Variants in GATAD2A observed in about 807,000 individuals in gnomAD.
GATAD2A encodes the protein GATA zinc finger domain containing 2A, also known as transcriptional repressor p66-alpha.
In GATAD2A, 12 loss-of-function variants were observed where a neutral mutation model predicts 68.5. The ratio of observed to expected loss-of-function variants is 0.18; its 90% CI spans 0.11 to 0.28. The LOEUF (loss-of-function observed/expected upper bound fraction) is 0.28, where lower values mean the gene tolerates loss of function less well. Ranked by LOEUF, GATAD2A falls within the 10% of genes least tolerant of loss-of-function variation. The pLI is 1.00. For synonymous variants in GATAD2A, 410 were observed against 375.3 expected (o/e 1.09, Z -1.07); for missense variants, 755 against 868.5 (o/e 0.87, Z 1.64).
chr19:19,493,655 G>A (rs2059954569), intron 4 of GATAD2A, among the ~76,000 whole-genome samples: 1 of 152,198 alleles, frequency 6.6e-6, no homozygotes, highest in Non-Finnish European at 1.5e-5. Flanking sequence ...GTTCTGGGCA[G>A]CAGGAGCTGA....
intron 1 of GATAD2A, among the ~76,000 whole-genome samples, chr19:19,425,354 C>G (rs1247335064): frequency 6.6e-6 from 1 of 152,116 alleles, no homozygotes; most frequent in Non-Finnish European, 1.5e-5. Context: ...CTGGTCCTGG[C>G]CATTCGGCTG....
intron 1 of GATAD2A, among the ~76,000 whole-genome samples, chr19:19,449,254 C>T (rs8110171): frequency 0.16 from 23,974 of 152,160 alleles, 2,008 homozygotes; most frequent in Middle Eastern, 0.28. Context: ...TTTCTAGAGA[C>T]AACTTATGCC....
intron 1 of GATAD2A, among the ~76,000 whole-genome samples, chr19:19,418,988 C>T (rs1568717625): frequency 6.6e-6 from 1 of 152,142 alleles, no homozygotes; most frequent in Non-Finnish European, 1.5e-5. Context: ...GGGATGTACT[C>T]TGGCTACTGC....
chr19:19,496,602 G>A (rs780349028), intron 7 of GATAD2A, among the ~76,000 whole-genome samples: 1 of 152,238 alleles, frequency 6.6e-6, no homozygotes, highest in Non-Finnish European at 1.5e-5. Flanking sequence ...ATGCCTTGGG[G>A]GGCACCGGAG....
Position 19,502,473 on chromosome 19 carries a change from G to C in GATAD2A, c.1721G>C (p.Ser574Thr), listed in dbSNP as rs1181875390. Residue 574 changes from serine to threonine, a missense_variant, in exon 11 of 12, where the codon AGC becomes ACC. Ser to Thr is a moderately conservative substitution (Grantham distance 58). Coordinates refer to ENST00000683918, the MANE Select transcript of GATAD2A (RefSeq NM_001384528.1). ...RTGRHSERTV[S>T]AGKGSATSNW... Reference sequence around the variant, plus strand: ...GGCAGACATTCTGAGAGAACCGTGAGCGCCGGCAAGGGCAGCGCCACCTCC... The same window carrying C: ...GGCAGACATTCTGAGAGAACCGTGACCGCCGGCAAGGGCAGCGCCACCTCC... The C allele has an allele frequency of 6.2e-7, 1 of 1,613,478 alleles. No individual in the cohort carries two copies. Among genetic ancestry groups the C allele is most frequent in the African/African-American group, 1.3e-5 (1 of 74,936 alleles).
chr19:19,417,523 G>A (rs1206718604), intron 1 of GATAD2A, among the ~76,000 whole-genome samples: 2 of 152,144 alleles, frequency 1.3e-5, no homozygotes, highest in African/African-American at 2.4e-5. Flanking sequence ...GGTGCGGGGG[G>A]TGGAGTTGGC....
chr19:19,413,461 G>A (rs995477167), intron 1 of GATAD2A, among the ~76,000 whole-genome samples: 3 of 152,134 alleles, frequency 2.0e-5, no homozygotes, highest in South Asian at 4.1e-4. Context: ...TGGGTTTGCC[G>A]AGGGTTCATG....
At chr19:19,458,737 T>C (rs2057160034) in intron 1 of GATAD2A, 1 of 152,168 alleles carries the variant, frequency 6.6e-6, no homozygotes, top group South Asian at 2.1e-4. Context: ...CTCTAGCATA[T>C]GGCACAGAAG....
intron 1 of GATAD2A, among the ~76,000 whole-genome samples, chr19:19,420,595 C>T (rs1460031518): frequency 6.6e-6 from 1 of 151,852 alleles, no homozygotes; most frequent in African/African-American, 2.4e-5. Flanking sequence ...CCGCCTTGGC[C>T]TCCGAAAGTG....
intron 1 of GATAD2A, among the ~76,000 whole-genome samples, chr19:19,396,309 C>T (rs570183712): frequency 1.3e-5 from 2 of 151,778 alleles, no homozygotes; most frequent in South Asian, 4.2e-4. Context: ...AGTGAAACTC[C>T]GTCTGAAAAA....
intron 2 of GATAD2A, chr19:19,474,306 T>C (rs1458917833): frequency 3.9e-6 from 1 of 256,158 alleles, no homozygotes; most frequent in Non-Finnish European, 6.1e-6. Flanking sequence ...GAGTTCTGAC[T>C]CACGTGTGCA....
At chr19:19,425,549 C>T (rs894889802) in intron 1 of GATAD2A, among the ~76,000 whole-genome samples, 1 of 152,210 alleles carries the variant, frequency 6.6e-6, no homozygotes, top group Non-Finnish European at 1.5e-5. Flanking sequence ...CCATAATTAG[C>T]ATGCTTTGCA....
At chr19:19,409,238 T>G (rs2050641258) in intron 1 of GATAD2A, among the ~76,000 whole-genome samples, 1 of 152,102 alleles carries the variant, frequency 6.6e-6, no homozygotes, top group South Asian at 2.1e-4. Context: ...TTCTGTGCCA[T>G]CAAATGGAAC....
At chr19:19,411,954 C>G (rs1226211507) in intron 1 of GATAD2A, among the ~76,000 whole-genome samples, 2 of 152,056 alleles carry the variant, frequency 1.3e-5, no homozygotes, top group Non-Finnish European at 2.9e-5. Context: ...AGAGTCAGGT[C>G]AAGGCCGGGC....
chr19:19,393,679 GT>G lies in GATAD2A; in HGVS notation c.-7+7544del, dbSNP rs577117969. Among the ~76,000 whole-genome samples the G allele has an allele frequency of 1.8e-4, 28 of 152,238 alleles. No individual in the cohort carries two copies. In the South Asian group the frequency reaches 5.2e-3, roughly 28 times the overall value. ...ACCCTCATTGGGAGCTTCAGGTGGG[GT>G]TTCTTGGAGGTGTAGAAGTGAAACC... is the stretch of plus-strand genomic sequence containing the variant. On this transcript the variant is annotated intron_variant, in intron 1 of 11. Transcript: ENST00000360315.
intron 2 of GATAD2A, 130 bp downstream of exon 2, chr19:19,465,744 G>C (rs2057817768): frequency 9.2e-7 from 1 of 1,092,698 alleles, no homozygotes; most frequent in African/African-American, 1.6e-5. Flanking sequence ...TGTAGGCTCA[G>C]CTCGGGCATC....
chr19:19,387,571 G>A (rs1162892848), intron 1 of GATAD2A, among the ~76,000 whole-genome samples: 2 of 151,990 alleles, frequency 1.3e-5, no homozygotes, highest in Non-Finnish European at 2.9e-5. Context: ...CACCCGCCTC[G>A]GCCTCCCACA....
intron 2 of GATAD2A, among the ~76,000 whole-genome samples, chr19:19,466,468 G>T (rs574400639): frequency 5.1e-4 from 77 of 152,298 alleles, no homozygotes; most frequent in African/African-American, 1.8e-3. Context: ...TCTTCTCCCT[G>T]TGGAGGGCCT....
At chr19:19,401,672 C>T (rs1270861448), upstream of GATAD2A, among the ~76,000 whole-genome samples, 1 of 151,810 alleles carries the variant, frequency 6.6e-6, no homozygotes, top group Non-Finnish European at 1.5e-5. Flanking sequence ...CAGTGTTTAT[C>T]ACATAAGTCA....
Sources: gnomAD v4.1 joint callset for allele counts (sites outside exome capture counted in the v4.1 genomes callset) on GRCh38, gnomAD v4.1.1 for gene constraint, MANE v1.5 for transcripts, NCBI Gene and HGNC (gene_info 2026-07-23, HGNC 2026-07-21) for gene names.